The following GPC6 variants were observed in gnomAD, a reference collection of about 807,000 sequenced individuals.
The protein encoded by GPC6 is glypican-6.
Under a neutral mutation model 55.2 loss-of-function variants are expected in GPC6, and 14 were observed. The observed-to-expected ratio is 0.25, with a 90% CI of 0.17 to 0.40. The LOEUF is 0.40. GPC6 is among the 10% of genes least tolerant of loss of function. The pLI, the probability that GPC6 is intolerant of heterozygous loss-of-function variation, is 1.00. For missense variants in GPC6, 641 were observed against 708.5 expected (o/e 0.90, Z 1.08); for synonymous variants, 278 against 259.6 (o/e 1.07, Z -0.68).
Position 93,783,096 on chromosome 13 carries a change from G to C in GPC6, c.320-47058G>C, listed in dbSNP as rs561500350. 2.6e-5 allele frequency among the ~76,000 whole-genome samples: 4 copies of C among 152,248 alleles called. No homozygotes were observed. The East Asian group carries it at 7.7e-4, about 29-fold the overall frequency. On this transcript the variant is annotated intron_variant, in intron 2 of 8. Transcript: ENST00000377047. ...TGTTTAGTTTTCTCTTCCTCTGTTA[G>C]TTTGCTGAGGTTAATGGCTTCCGGC...
chr13:93,669,967 G>A lies in GPC6; in HGVS notation c.319+124546G>A, dbSNP rs28588394. Among the ~76,000 whole-genome samples, 218 of 152,264 alleles carry A rather than the reference G, an allele frequency of 1.4e-3. 1 individual carries two copies. The highest frequency in any genetic ancestry group is 5.1e-3 in the African/African-American group (210 of 41,560). On this transcript the variant is annotated intron_variant, in intron 2 of 8. Coordinates refer to ENST00000377047, the MANE Select transcript of GPC6 (RefSeq NM_005708.5). ...CTGCTAGGCTGTTTTTAATTTCAAG[G>A]AGGAAGGGTTGTGGTTACCTGATTT...
intron 4 of GPC6, among the ~76,000 whole-genome samples, chr13:94,247,089 T>C (rs1891220026): frequency 6.6e-6 from 1 of 152,146 alleles, no homozygotes; most frequent in Non-Finnish European, 1.5e-5. Context: ...GTTAAACTTA[T>C]TCCTAAGGTA....
rs776003680 is a variant in GPC6, at chr13:94,186,059, C to CAAAAAAAAA, written c.878-100290_878-100289insAAAAAAAAA. On this transcript the variant is annotated intron_variant, in intron 4 of 8. Coordinates refer to ENST00000377047, the MANE Select transcript of GPC6 (RefSeq NM_005708.5). ...TAGGTGACAGAGCGAGACTCCGTCT[C>CAAAAAAAAA]CAAAAAAAAAAAAAAAAAAAAGGTT... Among the ~76,000 whole-genome samples the CAAAAAAAAA allele has an allele frequency of 1.0e-3, 66 of 63,822 alleles. 9 individuals carry two copies. Among genetic ancestry groups the CAAAAAAAAA allele is most frequent in the East Asian group, 5.7e-3 (11 of 1,940 alleles). The allele number at this position is 63,822 out of a possible 152,430, so 41.9% of individuals were successfully genotyped here. A position where few individuals can be genotyped will look rare whatever the true frequency, so the allele number is the denominator to read the frequency against.
intron 3 of GPC6, among the ~76,000 whole-genome samples, chr13:94,001,155 AG>A (rs1456374635): frequency 1.3e-5 from 2 of 152,228 alleles, no homozygotes; most frequent in Non-Finnish European, 2.9e-5. Flanking sequence ...TGAACACCTT[AG>A]GCAAGTTACT....
chr13:93,473,346 T>C (rs1357505036), intron 1 of GPC6, among the ~76,000 whole-genome samples: 4 of 152,132 alleles, frequency 2.6e-5, no homozygotes, highest in African/African-American at 4.8e-5. Context: ...TGCAGGGGGA[T>C]GATGTGTCAG....
intron 5 of GPC6, among the ~76,000 whole-genome samples, chr13:94,287,947 G>A (rs1357617110): frequency 6.6e-6 from 1 of 152,152 alleles, no homozygotes; most frequent in Non-Finnish European, 1.5e-5. Context: ...GTAGGTGTCT[G>A]TTTCCATTGG....
chr13:93,971,088 G>A (rs1365208670), intron 3 of GPC6, among the ~76,000 whole-genome samples: 4 of 152,128 alleles, frequency 2.6e-5, no homozygotes, highest in Non-Finnish European at 5.9e-5. Flanking sequence ...TCTACACTGA[G>A]GATCAGTTTC....
chr13:93,308,285 A>G (rs926948259), intron 1 of GPC6, among the ~76,000 whole-genome samples: 1 of 152,190 alleles, frequency 6.6e-6, no homozygotes, highest in African/African-American at 2.4e-5. Context: ...ACTCCATCTC[A>G]GAAAAGAAAA....
chr13:94,293,637 T>A (rs1875139644), intron 5 of GPC6, among the ~76,000 whole-genome samples: 2 of 152,170 alleles, frequency 1.3e-5, no homozygotes, highest in African/African-American at 2.4e-5. Context: ...TCTAGATGCC[T>A]TATGTATTTA....
chr13:93,326,006 T>C (rs1319646542), intron 1 of GPC6, among the ~76,000 whole-genome samples: 3 of 152,158 alleles, frequency 2.0e-5, no homozygotes, highest in Non-Finnish European at 4.4e-5. Context: ...TCGTGGTTTG[T>C]ACCTTTAGGG....
chr13:93,684,753 T>C (rs915879939), intron 2 of GPC6, among the ~76,000 whole-genome samples: 2 of 152,112 alleles, frequency 1.3e-5, no homozygotes, highest in African/African-American at 4.8e-5. Context: ...TATTGTAATA[T>C]TACAAAATAC....
intron 3 of GPC6, among the ~76,000 whole-genome samples, chr13:93,931,317 G>A (rs935181802): frequency 3.3e-5 from 5 of 151,910 alleles, no homozygotes; most frequent in South Asian, 2.1e-4. Context: ...ATAAAGGGGT[G>A]GAGGTACCAT....
rs368209374 is a variant in GPC6 at position 93,314,266 on chromosome 13, A to G, written c.160+86650A>G. Among the ~76,000 whole-genome samples the G allele has an allele frequency of 1.3e-4, 20 of 152,242 alleles. No individual in the cohort carries two copies. In the East Asian group the frequency reaches 1.7e-3, roughly 13 times the overall value. On this transcript the variant is annotated intron_variant, in intron 1 of 8. Transcript: ENST00000377047. ...AATGCATCAAATATATACTTGACAC[A>G]TGCTTTCAAACCAAGCCATTGTAGG...
intron 2 of GPC6, among the ~76,000 whole-genome samples, chr13:93,782,355 C>A (rs1435807758): frequency 2.0e-5 from 3 of 152,090 alleles, no homozygotes; most frequent in Non-Finnish European, 1.5e-5. Context: ...AAGTTGATTC[C>A]ATATCTTGCC....
At chr13:93,719,645 C>T (rs1270623961) in intron 2 of GPC6, among the ~76,000 whole-genome samples, 8 of 152,014 alleles carry the variant, frequency 5.3e-5, no homozygotes, top group African/African-American at 1.9e-4. Context: ...TGAGAGAGGG[C>T]ATTTTTGTCT....
At chr13:93,654,527 C>A (rs555098150) in intron 2 of GPC6, among the ~76,000 whole-genome samples, 1 of 152,118 alleles carries the variant, frequency 6.6e-6, no homozygotes, top group Non-Finnish European at 1.5e-5. Context: ...GGGGTTTCAC[C>A]ATGTTGGCCA....
intron 2 of GPC6, among the ~76,000 whole-genome samples, chr13:93,698,935 GTTATA>G (rs1173056827): frequency 6.6e-6 from 1 of 151,982 alleles, no homozygotes; most frequent in African/African-American, 2.4e-5. Flanking sequence ...GGTGGCTTCT[GTTATA>G]TTATGCATTG....
At chr13:93,869,798 C>T (rs1033548791) in intron 3 of GPC6, among the ~76,000 whole-genome samples, 1 of 151,742 alleles carries the variant, frequency 6.6e-6, no homozygotes, top group Non-Finnish European at 1.5e-5. Context: ...ATGTTCTTTC[C>T]AGTGAGTGGC....
At position 93,227,701 on chromosome 13, in the gene GPC6, CCT is replaced by C; in HGVS notation, c.160+86_160+87del. On this transcript the variant is annotated intron_variant, in intron 1 of 8. Coordinates refer to ENST00000377047, the MANE Select transcript of GPC6 (RefSeq NM_005708.5). The surrounding 1 kb of genome is among the most constrained non-coding windows in gnomAD (Gnocchi z 4.3). The stretch of plus-strand genomic sequence containing the variant: ...GCCGCCCGGCGTCCCCTTCCTTCCC[CCT>C]GTTGCTGAGTTGGTGCTCACTTTCT... 1 of 1,115,342 alleles carries C rather than the reference CCT, an allele frequency of 9.0e-7. No homozygotes were observed. Among genetic ancestry groups the C allele is most frequent in the Non-Finnish European group, 1.3e-6 (1 of 777,982 alleles). The allele number at this position is 1,115,342 out of a possible 1,614,324, so 69.1% of individuals were successfully genotyped here. A position where few individuals can be genotyped will look rare whatever the true frequency, so the allele number is the denominator to read the frequency against.
Sources: gnomAD v4.1 joint callset for allele counts (sites outside exome capture counted in the v4.1 genomes callset) on GRCh38, gnomAD v4.1.1 for gene constraint, Gnocchi (gnomAD v3.1) non-coding constraint, MANE v1.5 for transcripts, NCBI Gene and HGNC (gene_info 2026-07-23, HGNC 2026-07-21) for gene names.